The following PCDHGA2 variants were observed in gnomAD, a reference collection of about 807,000 sequenced individuals.
The protein encoded by PCDHGA2 is protocadherin gamma-A2.
A neutral mutation model predicts 59.2 loss-of-function variants in PCDHGA2; 40 were observed. The observed-to-expected ratio is 0.68, with a 90% CI of 0.52 to 0.88. The LOEUF (loss-of-function observed/expected upper bound fraction) is 0.88, where lower values mean the gene tolerates loss of function less well. Ranked by LOEUF, PCDHGA2 falls within the 40% of genes least tolerant of loss-of-function variation. PCDHGA2 has a pLI of 0.00. For synonymous variants in PCDHGA2, 560 were observed against 526.0 expected (o/e 1.06, Z -0.89); for missense variants, 1,226 against 1,204.0 (o/e 1.02, Z -0.27).
In PCDHGA2 at chr5:141,432,845, G is replaced by A. The variant is rs1299464282; in HGVS notation, c.2425-61962G>A. The A allele has an allele frequency of 1.2e-6, 2 of 1,614,076 alleles. No individual in the cohort carries two copies. The highest frequency in any genetic ancestry group is 8.5e-7 in the Non-Finnish European group (1 of 1,180,024). ...AGACCTCACTCTGTACCTGGTGGTA[G>A]CGGTGGCCGCGGTCTCCTGCGTCTT... On this transcript the variant is annotated intron_variant, in intron 1 of 3. Coordinates refer to ENST00000394576, the MANE Select transcript of PCDHGA2 (RefSeq NM_018915.4). This position sits in a 1 kb window ranked among gnomAD's most constrained non-coding sequence, Gnocchi z 6.0.
intron 1 of PCDHGA2, among the ~76,000 whole-genome samples, chr5:141,353,952 A>G (rs1759424640): frequency 6.6e-6 from 1 of 152,214 alleles, no homozygotes; most frequent in Admixed American, 6.5e-5. Flanking sequence ...TAAGTGAGGA[A>G]TAAGCTTAAG....
At chr5:141,350,578 C>T in intron 1 of PCDHGA2, 2 of 1,613,970 alleles carry the variant, frequency 1.2e-6, no homozygotes, top group South Asian at 1.1e-5. Flanking sequence ...TCGAAACGGT[C>T]GCTGAAAACC....
intron 1 of PCDHGA2, chr5:141,370,892 G>A: frequency 6.2e-7 from 1 of 1,613,936 alleles, no homozygotes; most frequent in Non-Finnish European, 8.5e-7. Context: ...GTGTCAATTC[G>A]CTGCAGCAGT....
rs752402965 is a variant in PCDHGA2, at chr5:141,491,400, C to G, written c.2425-3407C>G. The G allele has an allele frequency of 2.7e-5, 44 of 1,613,990 alleles. No individual in the cohort carries two copies. The highest frequency in any genetic ancestry group is 3.5e-5 in the Non-Finnish European group (41 of 1,179,996). On this transcript the variant is annotated intron_variant, in intron 1 of 3. Coordinates refer to ENST00000394576, the MANE Select transcript of PCDHGA2 (RefSeq NM_018915.4). The surrounding 1 kb of genome is among the most constrained non-coding windows in gnomAD (Gnocchi z 6.9). ...TGTCAGCGAAGTGCCTTCAGGGAAA[C>G]GCAGACGGGGACGGGGGTGGAGGGC... is the stretch of plus-strand genomic sequence containing the variant.
intron 1 of PCDHGA2, chr5:141,414,343 A>G: frequency 1.9e-6 from 3 of 1,613,882 alleles, no homozygotes; most frequent in Non-Finnish European, 2.5e-6. Flanking sequence ...AACCTGTTCC[A>G]TTTTGGCGTA....
chr5:141,463,596 C>T (rs922480221), intron 1 of PCDHGA2, among the ~76,000 whole-genome samples: 5 of 151,874 alleles, frequency 3.3e-5, no homozygotes, highest in Admixed American at 2.0e-4. Flanking sequence ...CTACAGGTGC[C>T]TGCCACCATG....
chr5:141,382,777 C>T (rs1778426057), intron 1 of PCDHGA2: 3 of 822,272 alleles, frequency 3.6e-6, no homozygotes, highest in South Asian at 2.0e-5. Flanking sequence ...CTGCACTAAA[C>T]TCAAGCCTCT....
intron 1 of PCDHGA2, chr5:141,428,889 C>G (rs1486441305): frequency 1.3e-5 from 2 of 150,826 alleles, no homozygotes; most frequent in African/African-American, 4.9e-5. Flanking sequence ...GAGTCTCGCT[C>G]TGTGGTCCAG....
chr5:141,438,623 TATATATATATATACACAC>T (rs1435936123), intron 1 of PCDHGA2, among the ~76,000 whole-genome samples: 532 of 42,826 alleles, frequency 0.012, 5 homozygotes, highest in African/African-American at 0.075. Flanking sequence ...TATATATATA[TATATATATATATACACAC>T]ACACACACAC....
intron 1 of PCDHGA2, chr5:141,421,214 G>T (rs1469085534): frequency 5.1e-6 from 8 of 1,561,612 alleles, no homozygotes; most frequent in Non-Finnish European, 6.9e-6. Flanking sequence ...CGGAATATCG[G>T]CTTAGAGCCT....
At chr5:141,363,012 T>C (rs1296290865) in intron 1 of PCDHGA2, among the ~76,000 whole-genome samples, 2 of 152,230 alleles carry the variant, frequency 1.3e-5, no homozygotes, top group Non-Finnish European at 2.9e-5. Context: ...TCACAGGGCA[T>C]GGGTAGGACA....
At chr5:141,345,471 G>C (rs1757578653) in intron 1 of PCDHGA2, 1 of 1,614,120 alleles carries the variant, frequency 6.2e-7, no homozygotes, top group African/African-American at 1.3e-5. Context: ...CCAGGACCCA[G>C]ATAGCAACAA....
chr5:141,356,033 C>A (rs766818568), intron 1 of PCDHGA2: 1 of 1,613,946 alleles, frequency 6.2e-7, no homozygotes, highest in Non-Finnish European at 8.5e-7. Context: ...GGAGACGTGA[C>A]GTATTCTTTC....
chr5:141,477,219 G>A lies in PCDHGA2; in HGVS notation c.2425-17588G>A. ...CCAGTACCCGAGGATGCCCCTCTGG[G>A]GACTGTCATCGCTTTGCTCAGTGTG... On this transcript the variant is annotated intron_variant, in intron 1 of 3. Coordinates refer to ENST00000394576, the MANE Select transcript of PCDHGA2 (RefSeq NM_018915.4). The surrounding 1 kb of genome is among the most constrained non-coding windows in gnomAD (Gnocchi z 4.9). 1 of 1,614,162 alleles carries A rather than the reference G, an allele frequency of 6.2e-7. No homozygotes were observed. The highest frequency in any genetic ancestry group is 8.5e-7 in the Non-Finnish European group (1 of 1,180,038).
chr5:141,476,868 C>T lies in PCDHGA2; in HGVS notation c.2425-17939C>T, dbSNP rs1213404395. On this transcript the variant is annotated intron_variant, in intron 1 of 3. Coordinates refer to ENST00000394576, the MANE Select transcript of PCDHGA2 (RefSeq NM_018915.4). This position sits in a 1 kb window ranked among gnomAD's most constrained non-coding sequence, Gnocchi z 7.6. ...GTCTTCAACCAGTCCTTGTACCGGG[C>T]GCGCGTCCTGGAGGATGCACCCTCC... 3 of 1,613,874 alleles carry T rather than the reference C, an allele frequency of 1.9e-6. No individual in the cohort carries two copies. Among genetic ancestry groups the T allele is most frequent in the Admixed American group, 3.3e-5 (2 of 60,026 alleles).
At position 141,505,200 on chromosome 5, in the gene PCDHGA2, G is replaced by T. The variant is rs528060752; in HGVS notation, c.2484-193G>T. On this transcript the variant is annotated intron_variant, in intron 2 of 3. Transcript: ENST00000394576. ...AAAGCATCGGAGGCAGCAAAGAGCTGGTTTGAGGGACTGACTTGTGGGATT... is the reference window on the plus strand; with the variant it reads ...AAAGCATCGGAGGCAGCAAAGAGCTTGTTTGAGGGACTGACTTGTGGGATT... Among the ~76,000 whole-genome samples the T allele has an allele frequency of 6.6e-5, 10 of 152,244 alleles. No individual in the cohort carries two copies. The East Asian group carries it at 7.7e-4, about 12-fold the overall frequency.
intron 1 of PCDHGA2, chr5:141,392,685 A>C: frequency 8.3e-6 from 9 of 1,078,992 alleles, no homozygotes; most frequent in Non-Finnish European, 1.2e-5. Context: ...ACTGCAGCGA[A>C]ACCCGACCCC....
intron 1 of PCDHGA2, among the ~76,000 whole-genome samples, chr5:141,448,711 C>T (rs62379167): frequency 0.23 from 35,567 of 151,844 alleles, 4,336 homozygotes; most frequent in Admixed American, 0.32. Context: ...GAGGCCGAGG[C>T]GGGAGGATCA....
chr5:141,371,622 C>G (rs1198446488), intron 1 of PCDHGA2: 1 of 1,613,888 alleles, frequency 6.2e-7, no homozygotes, highest in African/African-American at 1.3e-5. Flanking sequence ...AGATGGAGCC[C>G]TGGACCGGGA....
Sources: gnomAD v4.1 joint callset for allele counts (sites outside exome capture counted in the v4.1 genomes callset) on GRCh38, gnomAD v4.1.1 for gene constraint, Gnocchi (gnomAD v3.1) non-coding constraint, MANE v1.5 for transcripts, NCBI Gene and HGNC (gene_info 2026-07-23, HGNC 2026-07-21) for gene names.